FEM1C: variants seen among roughly 807,000 people sequenced by gnomAD.
FEM1C encodes protein fem-1 homolog C.
FEM1C carries 15 observed loss-of-function variants against 37.6 expected under a neutral mutation model. The observed-to-expected ratio is 0.40, with a 90% CI of 0.27 to 0.61. The LOEUF is 0.61. Ranked by LOEUF, FEM1C falls within the 20% of genes least tolerant of loss-of-function variation. The pLI, the probability that FEM1C is intolerant of heterozygous loss-of-function variation, is 0.42. For missense variants in FEM1C, 532 were observed against 749.7 expected, an observed-to-expected ratio of 0.71 and a Z score of 3.39; for synonymous variants, 287 against 272.8, an observed-to-expected ratio of 1.05 and a Z score of -0.51.
chr5:115,538,554 A>G (rs1754175955), intron 2 of FEM1C, among the ~76,000 whole-genome samples: 2 of 152,068 alleles, frequency 1.3e-5, no homozygotes, highest in African/African-American at 4.8e-5. Flanking sequence ...ACTATGTAGT[A>G]GAATGCGGTT....
intron 2 of FEM1C, among the ~76,000 whole-genome samples, chr5:115,530,934 G>A (rs1169177711): frequency 6.6e-6 from 1 of 150,826 alleles, no homozygotes; most frequent in African/African-American, 2.4e-5. Flanking sequence ...AGAGAAAGTA[G>A]AAGCAAACAG....
At chr5:115,528,216 C>T (rs893529965) in intron 2 of FEM1C, among the ~76,000 whole-genome samples, 1 of 151,910 alleles carries the variant, frequency 6.6e-6, no homozygotes, top group South Asian at 2.1e-4. Flanking sequence ...ACTAAAAAAA[C>T]TGAAAAATTT....
intron 2 of FEM1C, among the ~76,000 whole-genome samples, chr5:115,529,216 A>T (rs982145002): frequency 1.3e-5 from 2 of 150,270 alleles, no homozygotes; most frequent in African/African-American, 2.5e-5. Flanking sequence ...TCCAAGAAGG[A>T]CAAATAAAAA....
At chr5:115,540,412 G>A (rs1024813666) in intron 2 of FEM1C, among the ~76,000 whole-genome samples, 2 of 152,022 alleles carry the variant, frequency 1.3e-5, no homozygotes, top group East Asian at 1.9e-4. Context: ...TTGAGGTTAC[G>A]AGAAAACAAT....
At chr5:115,528,900 T>C (rs1222681770) in intron 2 of FEM1C, among the ~76,000 whole-genome samples, 5 of 152,096 alleles carry the variant, frequency 3.3e-5, no homozygotes, top group Admixed American at 3.3e-4. Context: ...AAGTAGACAT[T>C]CTAGAACTGA....
At chr5:115,544,308 G>GC (rs1416811117) in intron 1 of FEM1C, among the ~76,000 whole-genome samples, 10 of 133,148 alleles carry the variant, frequency 7.5e-5, no homozygotes, top group Non-Finnish European at 1.2e-4. Context: ...AACCACAGTC[G>GC]CCCCAACACA....
rs140484229 is a variant in FEM1C at position 115,528,095 on chromosome 5, C to T, written c.545-2478G>A. On this transcript the variant is annotated intron_variant, in intron 2 of 2. Coordinates refer to ENST00000274457, the MANE Select transcript of FEM1C (RefSeq NM_020177.3). The stretch of plus-strand genomic sequence containing the variant: ...ATACAAAATATATTTATTTTGAATA[C>T]ACCCACATACCAGGAGAAAAAAAGT... 3.4e-5 allele frequency among the ~76,000 whole-genome samples: 5 copies of T among 148,564 alleles called. No homozygotes were observed. The East Asian group carries it at 7.9e-4, about 24-fold the overall frequency.
At chr5:115,534,629 T>C (rs1462795570) in intron 2 of FEM1C, among the ~76,000 whole-genome samples, 1 of 151,958 alleles carries the variant, frequency 6.6e-6, no homozygotes, top group Non-Finnish European at 1.5e-5. Flanking sequence ...TTTACTGCTC[T>C]TTATAAAAAA....
Position 115,543,680 on chromosome 5 carries a change from C to A in FEM1C, c.-187G>T. On this transcript the variant is annotated 5_prime_UTR_variant, in exon 2 of 3. Transcript: ENST00000274457. ...TTCCAACATCTGACAACCAGGGCAC[C>A]AAACTAGAGAAAGAAAAAAAAAGTA... The A allele has an allele frequency of 7.4e-7, 1 of 1,351,460 alleles. No homozygotes were observed. The allele number at this position is 1,351,460 out of a possible 1,614,324, so 83.7% of individuals were successfully genotyped here. A position where few individuals can be genotyped will look rare whatever the true frequency, so the allele number is the denominator to read the frequency against.
chr5:115,540,739 C>T (rs1002978775), intron 2 of FEM1C, among the ~76,000 whole-genome samples: 2 of 152,064 alleles, frequency 1.3e-5, no homozygotes, highest in Non-Finnish European at 2.9e-5. Flanking sequence ...GAAAATATAA[C>T]GGAAGTAATA....
intron 2 of FEM1C, among the ~76,000 whole-genome samples, chr5:115,531,112 G>C (rs969801571): frequency 2.0e-5 from 3 of 151,996 alleles, no homozygotes; most frequent in African/African-American, 7.2e-5. Flanking sequence ...AATTTAGTGG[G>C]AAAACATAAA....
At chr5:115,534,927 C>T (rs1754093407) in intron 2 of FEM1C, among the ~76,000 whole-genome samples, 1 of 151,794 alleles carries the variant, frequency 6.6e-6, no homozygotes, top group African/African-American at 2.4e-5. Context: ...AGATACTTGC[C>T]ACATAGCTAA....
chr5:115,543,026 T>A lies in FEM1C; in HGVS notation c.468A>T (p.Ser156=), dbSNP rs965937364. Residue 156 remains serine, a synonymous_variant, in exon 2 of 3, where the codon TCA becomes TCT. Transcript: ENST00000274457. The part of the protein sequence containing the change: ...NRHGHTCLMI[S]CYKGHKEIAQ... Reference sequence around the variant, plus strand: ...CAATCTCTTTATGTCCTTTGTAACATGAAATCATCAAGCACGTATGCCCAT... The same window carrying A: ...CAATCTCTTTATGTCCTTTGTAACAAGAAATCATCAAGCACGTATGCCCAT... 1.2e-6 allele frequency: 2 copies of A among 1,614,264 alleles called. No individual in the cohort carries two copies. The highest frequency in any genetic ancestry group is 1.1e-5 in the South Asian group (1 of 91,086).
chr5:115,529,005 A>G (rs1753962674), intron 2 of FEM1C, among the ~76,000 whole-genome samples: 1 of 152,112 alleles, frequency 6.6e-6, no homozygotes, highest in Non-Finnish European at 1.5e-5. Context: ...TACAGAAAGA[A>G]GCAGGGAGTG....
chr5:115,528,407 G>A (rs1304653876), intron 2 of FEM1C, among the ~76,000 whole-genome samples: 1 of 152,086 alleles, frequency 6.6e-6, no homozygotes, highest in Admixed American at 6.6e-5. Context: ...CAGGGATAGA[G>A]GGGAAAAGTG....
At chr5:115,528,020 A>AT (rs1753937617) in intron 2 of FEM1C, among the ~76,000 whole-genome samples, 1 of 151,092 alleles carries the variant, frequency 6.6e-6, no homozygotes, top group Non-Finnish European at 1.5e-5. Flanking sequence ...AAAAAAAAAA[A>AT]GGTAGCAAAA....
chr5:115,530,204 A>T (rs111583986), intron 2 of FEM1C, among the ~76,000 whole-genome samples: 2 of 152,014 alleles, frequency 1.3e-5, no homozygotes, highest in East Asian at 3.9e-4. Flanking sequence ...AAGTTTGGGA[A>T]AAAAATGCCC....
At chr5:115,533,748 A>G (rs1325903512) in intron 2 of FEM1C, among the ~76,000 whole-genome samples, 1 of 151,974 alleles carries the variant, frequency 6.6e-6, no homozygotes, top group African/African-American at 2.4e-5. Flanking sequence ...AAAACAACAC[A>G]AAGTTCAAAA....
intron 2 of FEM1C, among the ~76,000 whole-genome samples, chr5:115,528,122 G>A (rs1033752726): frequency 6.7e-6 from 1 of 149,988 alleles, no homozygotes; most frequent in Non-Finnish European, 1.5e-5. Flanking sequence ...AAAAAAAGTA[G>A]CTTTAAAAAA....
Sources: gnomAD v4.1 joint callset for allele counts (sites outside exome capture counted in the v4.1 genomes callset) on GRCh38, gnomAD v4.1.1 for gene constraint, MANE v1.5 for transcripts, NCBI Gene and HGNC (gene_info 2026-07-23, HGNC 2026-07-21) for gene names.